The following HAGHL variants were observed in gnomAD, a reference collection of about 807,000 sequenced individuals.
HAGHL encodes hydroxyacylglutathione hydrolase-like protein.
HAGHL carries 27 observed loss-of-function variants against 29.2 expected under a neutral mutation model. That is an observed-to-expected ratio of 0.92 (90% CI 0.68 to 1.27). The LOEUF is 1.27. Ranked by LOEUF, HAGHL falls within the 50% of genes most tolerant of loss-of-function variation. The pLI is 0.00. For missense variants in HAGHL, 529 were observed against 405.5 expected (o/e 1.30, Z -2.62); for synonymous variants, 223 against 185.7 (o/e 1.20, Z -1.63).
chr16:729,297 G>A lies in HAGHL; in HGVS notation c.690G>A (p.Pro230=), dbSNP rs747293438. ...GCACCCCTCCCTGCAGAGAGGAGCC[G>A]GTGCGCAAGTTCACGGGCAAGGCGG... is the stretch of plus-strand genomic sequence containing the variant. ...YNPFLRVAEE[P]VRKFTGKAVP... The change falls in exon 8 of 8, where the codon CCG becomes CCA. Residue 230 remains proline, a synonymous_variant. Transcript: ENST00000389703. 3.3e-5 allele frequency: 50 copies of A among 1,525,424 alleles called. No homozygotes were observed. The highest frequency in any genetic ancestry group is 4.0e-5 in the Non-Finnish European group (46 of 1,137,374). 94.5% of individuals were successfully genotyped at this position (1,525,424 alleles called of 1,614,324 possible). A position where few individuals can be genotyped will look rare whatever the true frequency, so the allele number is the denominator to read the frequency against.
intron 5 of HAGHL, 94 bp downstream of exon 5, chr16:728,698 C>T: frequency 3.0e-6 from 4 of 1,325,738 alleles, no homozygotes; most frequent in Non-Finnish European, 4.2e-6. Context: ...GAATGCCCAC[C>T]TGAGGGCAGA....
intron 3 of HAGHL, 40 bp downstream of exon 3, chr16:728,273 G>A (rs1344899093): frequency 6.6e-7 from 1 of 1,509,152 alleles, no homozygotes; most frequent in East Asian, 2.7e-5. Context: ...AGGGCGCCCC[G>A]GGTCCACCCG....
In HAGHL at chr16:728,240, G is replaced by A; in HGVS notation, c.288+7G>A. On this transcript the variant is annotated splice_region_variant and intron_variant, in intron 3 of 7. Coordinates refer to ENST00000389703, the MANE Select transcript of HAGHL (RefSeq NM_032304.4). ...GCACGGCGAGGAGCTGCGGGTGAGC[G>A]CGCGCTCCCGGGAGGGGCGGGGAGG... The A allele has an allele frequency of 6.7e-7, 1 of 1,484,572 alleles. No homozygotes were observed. The highest frequency in any genetic ancestry group is 2.8e-5 in the East Asian group (1 of 35,790). 92.0% of individuals were successfully genotyped at this position (1,484,572 alleles called of 1,614,324 possible).
Position 728,107 on chromosome 16 carries a change from C to A in HAGHL, c.171-9C>A. ...CGACCTAACCCGGCCCCCGCCCGCC[C>A]GCCCGCAGGGACCACGCGCGGGGAA... On this transcript the variant is annotated splice_polypyrimidine_tract_variant and intron_variant, in intron 2 of 7. Transcript: ENST00000389703. 6.8e-7 allele frequency: 1 copy of A among 1,472,096 alleles called. No homozygotes were observed. Among genetic ancestry groups the A allele is most frequent in the Admixed American group, 2.6e-5 (1 of 38,844 alleles). 91.2% of individuals were successfully genotyped at this position (1,472,096 alleles called of 1,614,324 possible).
chr16:728,901 G>A lies in HAGHL; in HGVS notation c.600+6G>A, dbSNP rs904313392. ...CCAAGCTGTCCTGGGCTAAGGCACG[G>A]CCCCTTTCCCGCCGCGGCAAGAGGG... On this transcript the variant is annotated splice_donor_region_variant and intron_variant, in intron 6 of 7. Transcript: ENST00000389703. The A allele has an allele frequency of 2.7e-6, 3 of 1,123,052 alleles. No individual in the cohort carries two copies. Among genetic ancestry groups the A allele is most frequent in the East Asian group, 5.2e-5 (1 of 19,306 alleles). 69.6% of individuals were successfully genotyped at this position (1,123,052 alleles called of 1,614,324 possible). A position where few individuals can be genotyped will look rare whatever the true frequency, so the allele number is the denominator to read the frequency against.
intron 7 of HAGHL, 61 bp downstream of exon 7, chr16:729,149 G>A (rs939479661): frequency 6.3e-7 from 1 of 1,594,060 alleles, no homozygotes; most frequent in Non-Finnish European, 8.5e-7. Flanking sequence ...AAGGCATCTG[G>A]GGACTGCGTG....
At position 727,183 on chromosome 16, in the gene HAGHL, G is replaced by C; in HGVS notation, c.-327G>C. ...GGAACGCGGCTGTCCCGGGTCAGGG[G>C]TCTTGCGGCGGCAGGGCGGGGGGCC... On this transcript the variant is annotated 5_prime_UTR_variant, in exon 1 of 8. Transcript: ENST00000389703. 3.8e-6 allele frequency: 1 copy of C among 262,910 alleles called. No individual in the cohort carries two copies. Among genetic ancestry groups the C allele is most frequent in the Non-Finnish European group, 7.2e-6 (1 of 138,516 alleles). 16.3% of individuals were successfully genotyped at this position (262,910 alleles called of 1,614,324 possible).
intron 7 of HAGHL, 92 bp from the exon 8 acceptor site, chr16:729,196 G>A (rs763310000): frequency 7.0e-6 from 11 of 1,562,428 alleles, no homozygotes; most frequent in African/African-American, 1.3e-5. Context: ...GGGGGAGGCT[G>A]CTCATTAAGT....
At position 728,797 on chromosome 16, in the gene HAGHL, G is replaced by A. The variant is rs752698477; in HGVS notation, c.502G>A (p.Val168Met). Residue 168 changes from valine to methionine, a missense_variant, in exon 6 of 8, where the codon GTG becomes ATG. By Grantham distance (21) the Val-to-Met change is conservative. Transcript: ENST00000389703. ...TCACCGAGCGCTCTTCCTCCAGAAGGTGTTCTGCGGCCACGAGCACACGCT... is the reference window on the plus strand; with the variant it reads ...TCACCGAGCGCTCTTCCTCCAGAAGATGTTCTGCGGCCACGAGCACACGCT... ...ELGTLPPETK[V>M]FCGHEHTLSN... 2 of 1,611,988 alleles carry A rather than the reference G, an allele frequency of 1.2e-6. No homozygotes were observed. Among genetic ancestry groups the A allele is most frequent in the Non-Finnish European group, 8.5e-7 (1 of 1,179,670 alleles).
Position 728,542 on chromosome 16 carries a change from G to C in HAGHL, c.436G>C (p.Glu146Gln). ...GGTGGCCGGCTGCGGCTCGTGCCTGGAGGGCAGCGCCCAGCAGATGTACCA... is the reference window on the plus strand; with the variant it reads ...GGTGGCCGGCTGCGGCTCGTGCCTGCAGGGCAGCGCCCAGCAGATGTACCA... ...LSVAGCGSCL[E>Q]GSAQQMYQSL... The change falls in exon 5 of 8, where the codon GAG becomes CAG. Residue 146 changes from glutamate (E) to glutamine (Q), a missense_variant. Coordinates refer to ENST00000389703, the MANE Select transcript of HAGHL (RefSeq NM_032304.4). 6.5e-7 allele frequency: 1 copy of C among 1,527,960 alleles called. No homozygotes were observed. Among genetic ancestry groups the C allele is most frequent in the South Asian group, 1.2e-5 (1 of 82,726 alleles). The allele number at this position is 1,527,960 out of a possible 1,614,324, so 94.7% of individuals were successfully genotyped here.
chr16:727,588 G>A lies in HAGHL; in HGVS notation c.79G>A (p.Ala27Thr), dbSNP rs1293728457. Residue 27 changes from alanine (A) to threonine (T), a missense_variant, in exon 1 of 8, where the codon GCC becomes ACC. Transcript: ENST00000389703. Reference protein sequence around the residue: ...VIEELTREAVAVDVAVPKRLL... With the variant: ...VIEELTREAVTVDVAVPKRLL... ...CGAGGAGCTCACGCGCGAGGCGGTG[G>A]CCGTGGACGTGGCTGTGCCCAAGAG... is the stretch of plus-strand genomic sequence containing the variant. 1 of 1,611,256 alleles carries A rather than the reference G, an allele frequency of 6.2e-7. No individual in the cohort carries two copies. The highest frequency in any genetic ancestry group is 8.5e-7 in the Non-Finnish European group (1 of 1,179,118).
In HAGHL at chr16:729,061, G is replaced by T. The variant is rs367615261; in HGVS notation, c.653G>T (p.Arg218Leu). Residue 218 changes from arginine (R) to leucine (L), a missense_variant, in exon 7 of 8, where the codon CGC (arginine) becomes CTC (leucine). Transcript: ENST00000389703. The stretch of plus-strand genomic sequence containing the variant: ...GTGCCGTCGACTCTGGGCGAGGAGC[G>T]CCTCTACAACCCCTTCCTGCGGGTG... ...PTVPSTLGEE[R>L]LYNPFLRVAE... is the part of the protein sequence containing the mutation. 6.2e-7 allele frequency: 1 copy of T among 1,609,930 alleles called. No individual in the cohort carries two copies.
At chr16:729,141 G>C (rs200583166) in intron 7 of HAGHL, 53 bp downstream of exon 7, 8 of 1,596,300 alleles carry the variant, frequency 5.0e-6, no homozygotes, top group Non-Finnish European at 6.8e-6. Flanking sequence ...CCCTTAGGAA[G>C]GCATCTGGGG....
rs897761603 is a variant in HAGHL, at chr16:729,635, C to T, written c.*179C>T. On this transcript the variant is annotated 3_prime_UTR_variant, in exon 8 of 8. Transcript: ENST00000389703. ...GGACACACAGGACCACTCAGTGGGGCCTGTGTGGGCGCCGAGACCTGGGTG... is the reference window on the plus strand; with the variant it reads ...GGACACACAGGACCACTCAGTGGGGTCTGTGTGGGCGCCGAGACCTGGGTG... 3.9e-6 allele frequency: 6 copies of T among 1,520,284 alleles called. No homozygotes were observed. Among genetic ancestry groups the T allele is most frequent in the Non-Finnish European group, 2.6e-6 (3 of 1,138,460 alleles). 94.2% of individuals were successfully genotyped at this position (1,520,284 alleles called of 1,614,324 possible).
Position 728,831 on chromosome 16 carries a change from T to C in HAGHL, c.536T>C (p.Leu179Pro), listed in dbSNP as rs368601604. The change falls in exon 6 of 8, where the codon CTG becomes CCG. Residue 179 changes from leucine to proline, a missense_variant. Coordinates refer to ENST00000389703, the MANE Select transcript of HAGHL (RefSeq NM_032304.4). ...GGCCACGAGCACACGCTTAGCAACC[T>C]GGAGTTTGCCCAGAAAGTGGAGCCC... is the stretch of plus-strand genomic sequence containing the variant. ...FCGHEHTLSN[L>P]EFAQKVEPCN... The C allele has an allele frequency of 4.8e-5, 77 of 1,609,198 alleles. No individual in the cohort carries two copies. Among genetic ancestry groups the C allele is most frequent in the Non-Finnish European group, 5.8e-5 (68 of 1,179,034 alleles).
Position 729,496 on chromosome 16 carries a change from C to T in HAGHL, c.*40C>T. 1 of 1,536,968 alleles carries T rather than the reference C, an allele frequency of 6.5e-7. No individual in the cohort carries two copies. The highest frequency in any genetic ancestry group is 8.7e-7 in the Non-Finnish European group (1 of 1,146,250). ...CACAGGGCTGGGGCCTGCGTCCCTC[C>T]TCGTGACCTCGGCCAGCTGGACCCA... is the stretch of plus-strand genomic sequence containing the variant. On this transcript the variant is annotated 3_prime_UTR_variant, in exon 8 of 8. Transcript: ENST00000389703.
Position 728,219 on chromosome 16 carries a change from G to A in HAGHL, c.274G>A (p.Gly92Ser), listed in dbSNP as rs2041143314. 5.5e-6 allele frequency: 8 copies of A among 1,458,024 alleles called. No homozygotes were observed. Among genetic ancestry groups the A allele is most frequent in the Non-Finnish European group, 6.3e-6 (7 of 1,115,672 alleles). The allele number at this position is 1,458,024 out of a possible 1,614,324, so 90.3% of individuals were successfully genotyped here. ...IFSLTRRLAH[G>S]EELRFGAIHV... ...CTCGCTGACGCGCAGGCTGGCGCACGGCGAGGAGCTGCGGGTGAGCGCGCG... is the reference window on the plus strand; with the variant it reads ...CTCGCTGACGCGCAGGCTGGCGCACAGCGAGGAGCTGCGGGTGAGCGCGCG... Residue 92 changes from glycine (G) to serine (S), a missense_variant, in exon 3 of 8, where the codon GGC becomes AGC. Coordinates refer to ENST00000389703, the MANE Select transcript of HAGHL (RefSeq NM_032304.4).
intron 5 of HAGHL, 55 bp from the exon 6 acceptor site, chr16:728,735 CGCAA>C: frequency 5.3e-6 from 8 of 1,512,568 alleles, no homozygotes; most frequent in Non-Finnish European, 7.3e-6. Context: ...AGGCCCCCGG[CGCAA>C]GCACTTTCCC....
At position 728,527 on chromosome 16, in the gene HAGHL, T is replaced by C; in HGVS notation, c.421T>C (p.Cys141Arg). The change falls in exon 5 of 8, where the codon TGC becomes CGC. Residue 141 changes from cysteine to arginine, a missense_variant. Transcript: ENST00000389703. ...FSGDALSVAGCGSCLEGSAQQ... is the reference protein window; with the variant it reads ...FSGDALSVAGRGSCLEGSAQQ... ...AGGCGACGCGCTGTCGGTGGCCGGCTGCGGCTCGTGCCTGGAGGGCAGCGC... is the reference window on the plus strand; with the variant it reads ...AGGCGACGCGCTGTCGGTGGCCGGCCGCGGCTCGTGCCTGGAGGGCAGCGC... The C allele has an allele frequency of 6.5e-7, 1 of 1,528,046 alleles. No homozygotes were observed. The highest frequency in any genetic ancestry group is 2.0e-5 in the Admixed American group (1 of 50,260). The allele number at this position is 1,528,046 out of a possible 1,614,324, so 94.7% of individuals were successfully genotyped here.
Sources: gnomAD v4.1 joint callset for allele counts on GRCh38, gnomAD v4.1.1 for gene constraint, MANE v1.5 for transcripts, NCBI Gene and HGNC (gene_info 2026-07-23, HGNC 2026-07-21) for gene names.